The following MBD5 variants were observed in gnomAD, a reference collection of about 807,000 sequenced individuals.
The protein encoded by MBD5 is methyl-CpG binding domain protein 5.
In MBD5, 13 loss-of-function variants were observed where a neutral mutation model predicts 117.3. That is an observed-to-expected ratio of 0.11 (90% CI 0.07 to 0.18). The LOEUF (loss-of-function observed/expected upper bound fraction) is 0.18, where lower values mean the gene tolerates loss of function less well. Ranked by LOEUF, MBD5 falls within the 10% of genes least tolerant of loss-of-function variation. The pLI is 1.00. For synonymous variants in MBD5, 727 were observed against 766.4 expected (o/e 0.95, Z 0.85); for missense variants, 1,879 against 2,093.8 (o/e 0.90, Z 2.00).
intron 1 of MBD5, among the ~76,000 whole-genome samples, chr2:148,106,448 T>C (rs1696375032): frequency 6.6e-6 from 1 of 151,960 alleles, no homozygotes; most frequent in Non-Finnish European, 1.5e-5. Flanking sequence ...CTTTATACTT[T>C]ATGTTATGTA....
intron 8 of MBD5, among the ~76,000 whole-genome samples, chr2:148,473,830 C>A (rs1258735334): frequency 6.6e-6 from 1 of 152,130 alleles, no homozygotes; most frequent in Non-Finnish European, 1.5e-5. Context: ...TTTGTGTTTT[C>A]AAGTTGCCTT....
intron 2 of MBD5, among the ~76,000 whole-genome samples, chr2:148,221,331 G>C (rs1216840874): frequency 6.6e-6 from 1 of 151,964 alleles, no homozygotes; most frequent in Non-Finnish European, 1.5e-5. Flanking sequence ...TTTTAGTTTT[G>C]AGGAACCTCC....
chr2:148,312,034 G>T (rs1225427301), intron 3 of MBD5, among the ~76,000 whole-genome samples: 1 of 152,178 alleles, frequency 6.6e-6, no homozygotes, highest in Non-Finnish European at 1.5e-5. Context: ...AATCTGATGG[G>T]ATTCCCTTTG....
chr2:148,373,073 T>C (rs906618883), intron 4 of MBD5, among the ~76,000 whole-genome samples: 13 of 152,234 alleles, frequency 8.5e-5, no homozygotes, highest in African/African-American at 3.1e-4. Flanking sequence ...TTTTAAAGAA[T>C]TACGTTTTGA....
chr2:148,386,751 C>T (rs1251103734), intron 4 of MBD5, among the ~76,000 whole-genome samples: 1 of 144,220 alleles, frequency 6.9e-6, no homozygotes, highest in East Asian at 2.0e-4. Context: ...AAAGAAGATA[C>T]TTTATGCCAA....
chr2:148,136,095 T>A (rs1161135421), intron 1 of MBD5, among the ~76,000 whole-genome samples: 1 of 152,154 alleles, frequency 6.6e-6, no homozygotes, highest in African/African-American at 2.4e-5. Flanking sequence ...GTGGTGGGTG[T>A]CAGAGTTGGG....
At chr2:148,359,799 T>G (rs1703483166) in intron 4 of MBD5, among the ~76,000 whole-genome samples, 1 of 152,210 alleles carries the variant, frequency 6.6e-6, no homozygotes, top group Admixed American at 6.5e-5. Flanking sequence ...TGACTGCTCT[T>G]TATGTATTGC....
intron 4 of MBD5, among the ~76,000 whole-genome samples, chr2:148,388,128 A>T (rs970536323): frequency 9.2e-5 from 14 of 152,204 alleles, no homozygotes; most frequent in African/African-American, 3.4e-4. Context: ...AGACAGCTTG[A>T]CCAAAGGAAC....
chr2:148,046,727 T>C (rs1311376274), intron 1 of MBD5, among the ~76,000 whole-genome samples: 2 of 152,180 alleles, frequency 1.3e-5, no homozygotes, highest in Non-Finnish European at 2.9e-5. Context: ...TAGTAAGTAA[T>C]CTCCTTAGCT....
intron 4 of MBD5, among the ~76,000 whole-genome samples, chr2:148,434,053 G>GT (rs1437458455): frequency 6.6e-6 from 1 of 151,692 alleles, no homozygotes; most frequent in Non-Finnish European, 1.5e-5. Context: ...TTTTATTACT[G>GT]ATTCAATTTC....
intron 4 of MBD5, among the ~76,000 whole-genome samples, chr2:148,436,285 G>C (rs1426156141): frequency 6.6e-6 from 1 of 152,134 alleles, no homozygotes; most frequent in African/African-American, 2.4e-5. Flanking sequence ...TCTAATCTCA[G>C]TAAAAGTGTA....
chr2:148,055,925 G>A (rs770547134), intron 1 of MBD5: 7 of 152,232 alleles, frequency 4.6e-5, no homozygotes, highest in South Asian at 2.1e-4. Context: ...ATGTCACATA[G>A]TACTCTGTTA....
chr2:148,317,701 A>G (rs982058469), intron 3 of MBD5, among the ~76,000 whole-genome samples: 3 of 152,088 alleles, frequency 2.0e-5, no homozygotes, highest in African/African-American at 7.2e-5. Flanking sequence ...GTGTGAAAAC[A>G]TGCAGCATTT....
At chr2:148,368,367 C>T (rs1703762684) in intron 4 of MBD5, among the ~76,000 whole-genome samples, 3 of 151,898 alleles carry the variant, frequency 2.0e-5, no homozygotes, top group African/African-American at 7.3e-5. Flanking sequence ...GGAGAAATAC[C>T]TAATGTAGAT....
chr2:148,385,234 C>A (rs1203423345), intron 4 of MBD5, among the ~76,000 whole-genome samples: 2 of 152,078 alleles, frequency 1.3e-5, no homozygotes, highest in Admixed American at 6.6e-5. Flanking sequence ...GGCTACTATC[C>A]AGAATCTACA....
chr2:148,483,684 C>T lies in MBD5; in HGVS notation c.3093C>T (p.Ala1031=). 1.3e-6 allele frequency: 2 copies of T among 1,550,666 alleles called. No individual in the cohort carries two copies. The highest frequency in any genetic ancestry group is 1.7e-6 in the Non-Finnish European group (2 of 1,146,998). The part of the protein sequence containing the change: ...TPLPSLTQMT[A]PPDHLPSNQS... Reference sequence around the variant, plus strand: ...TACCCTCATTAACACAGATGACAGCCCCACCAGACCATTTGCCAAGCAATC... The same window carrying T: ...TACCCTCATTAACACAGATGACAGCTCCACCAGACCATTTGCCAAGCAATC... Residue 1031 remains alanine (A), a synonymous_variant, in exon 9 of 14, where the codon GCC becomes GCT. Coordinates refer to ENST00000642680, the MANE Select transcript of MBD5 (RefSeq NM_001378120.1).
chr2:148,332,284 C>A (rs1382529922), intron 3 of MBD5, among the ~76,000 whole-genome samples: 1 of 152,152 alleles, frequency 6.6e-6, no homozygotes, highest in Non-Finnish European at 1.5e-5. Context: ...TATAATGATA[C>A]AAACTCAGTT....
chr2:148,394,608 C>A (rs1574376009), intron 4 of MBD5, among the ~76,000 whole-genome samples: 1 of 104,998 alleles, frequency 9.5e-6, no homozygotes. Flanking sequence ...TGTCTTTTGT[C>A]TTTTTTTAGT....
At chr2:148,411,764 T>A (rs755884129) in intron 4 of MBD5, among the ~76,000 whole-genome samples, 10 of 152,022 alleles carry the variant, frequency 6.6e-5, no homozygotes, top group Non-Finnish European at 1.3e-4. Context: ...AGATGAATAG[T>A]TTGCAAATAT....
Sources: allele counts gnomAD v4.1 joint callset (sites outside exome capture counted in the v4.1 genomes callset), GRCh38; gene constraint gnomAD v4.1.1; transcripts MANE v1.5; gene names NCBI Gene and HGNC (gene_info 2026-07-23, HGNC 2026-07-21).